PTK2B: variants seen among roughly 807,000 people sequenced by gnomAD.
PTK2B encodes the protein protein-tyrosine kinase 2-beta.
A neutral mutation model predicts 142.9 loss-of-function variants in PTK2B; 71 were observed. That is an observed-to-expected ratio of 0.50 (90% confidence interval 0.41 to 0.61). The LOEUF is 0.61. PTK2B is among the 20% of genes least tolerant of loss of function. The probability of loss-of-function intolerance (pLI) is 0.00; values close to 1 mark genes in which losing one functional copy is unlikely to be tolerated. For missense variants in PTK2B, 1,105 were observed against 1,320.4 expected (o/e 0.84, Z 2.53); for synonymous variants, 519 against 503.4 (o/e 1.03, Z -0.42).
At position 27,446,224 on chromosome 8, in the gene PTK2B, T is replaced by A. The variant is rs142485460; in HGVS notation, c.2340+305T>A. On this transcript the variant is annotated intron_variant, in intron 24 of 30. Coordinates refer to ENST00000346049, the MANE Select transcript of PTK2B (RefSeq NM_173176.3). ...CTCCTGAGCCCCAGGGGTAGGGGGA[T>A]CTGTGGCAGCTTGGAGGCTCCTAGG... 1.2e-4 allele frequency among the ~76,000 whole-genome samples: 19 copies of A among 152,284 alleles called. No homozygotes were observed. The East Asian group carries it at 3.5e-3, about 28-fold the overall frequency.
Position 27,397,563 on chromosome 8 carries a change from A to G in PTK2B, c.-22A>G, listed in dbSNP as rs1128433. 0.42 allele frequency: 674,968 copies of G among 1,607,746 alleles called. 145,012 individuals carry two copies. Among genetic ancestry groups the G allele is most frequent in the Middle Eastern group, 0.5 (2,492 of 4,948 alleles). ...GTCTCTGCAGGACTGCAATGTGCCGATCTTAGCTGCTGCCTGAGAGGATGT... is the reference window on the plus strand; with the variant it reads ...GTCTCTGCAGGACTGCAATGTGCCGGTCTTAGCTGCTGCCTGAGAGGATGT... On this transcript the variant is annotated 5_prime_UTR_variant, in exon 2 of 31. Coordinates refer to ENST00000346049, the MANE Select transcript of PTK2B (RefSeq NM_173176.3).
intron 3 of PTK2B, among the ~76,000 whole-genome samples, chr8:27,314,619 C>G (rs1380944343): frequency 6.6e-6 from 1 of 152,234 alleles, no homozygotes; most frequent in African/African-American, 2.4e-5. Flanking sequence ...CCCAGGTAAC[C>G]AATGGAGTCC....
intron 1 of PTK2B, among the ~76,000 whole-genome samples, chr8:27,385,549 G>T (rs919938499): frequency 6.6e-6 from 1 of 152,124 alleles, no homozygotes; most frequent in Non-Finnish European, 1.5e-5. Flanking sequence ...TAGCTTGGTG[G>T]TAAGAAGCTC....
rs773527019 is a variant in PTK2B, at chr8:27,437,470, A to T, written c.1501A>T (p.Ile501Phe). 13 of 1,612,392 alleles carry T rather than the reference A, an allele frequency of 8.1e-6. No homozygotes were observed. The Admixed American group carries it at 1.7e-4, about 21-fold the overall frequency. The change falls in exon 17 of 31, where the codon ATC (isoleucine) becomes TTC (phenylalanine). Residue 501 changes from isoleucine (I) to phenylalanine (F), a missense_variant. Transcript: ENST00000346049. ...CATTGAAGAGGAGCCCACCTGGATCATCATGGAATTGTATCCCTATGGGGA... is the reference window on the plus strand; with the variant it reads ...CATTGAAGAGGAGCCCACCTGGATCTTCATGGAATTGTATCCCTATGGGGA... ...GIIEEEPTWI[I>F]MELYPYGELG...
intron 25 of PTK2B, 69 bp from the exon 26 acceptor site, chr8:27,450,974 G>A (rs1811768726): frequency 6.2e-7 from 1 of 1,611,158 alleles, no homozygotes; most frequent in Non-Finnish European, 8.5e-7. Flanking sequence ...TGGGGCAAGG[G>A]TCCCCTGCAT....
intron 2 of PTK2B, among the ~76,000 whole-genome samples, chr8:27,415,299 G>T (rs1480754364): frequency 2.0e-5 from 3 of 152,160 alleles, no homozygotes; most frequent in Non-Finnish European, 4.4e-5. Flanking sequence ...TGGCACCAGG[G>T]CTTGTACTCC....
At chr8:27,334,991 TA>T (rs1803974663) in intron 1 of PTK2B, among the ~76,000 whole-genome samples, 1 of 152,202 alleles carries the variant, frequency 6.6e-6, no homozygotes, top group South Asian at 2.1e-4. Flanking sequence ...TACTGTTGAG[TA>T]CAACTAGGCC....
intron 1 of PTK2B, among the ~76,000 whole-genome samples, chr8:27,371,634 G>A (rs1366064405): frequency 4.0e-5 from 6 of 151,794 alleles, no homozygotes; most frequent in African/African-American, 9.7e-5. Flanking sequence ...TGCAACCTCC[G>A]CCCTCTGAGT....
At chr8:27,311,307 C>T (rs1399151986), upstream of PTK2B, 2 of 1,435,016 alleles carry the variant, frequency 1.4e-6, no homozygotes, top group Non-Finnish European at 1.8e-6. Flanking sequence ...TGCCAACGCC[C>T]GCGACCCGAG....
In PTK2B at chr8:27,380,172, C is replaced by T. The variant is rs534405114; in HGVS notation, c.-37-17376C>T. Among the ~76,000 whole-genome samples the T allele has an allele frequency of 6.6e-5, 10 of 152,266 alleles. 1 individual carries two copies. In the South Asian group the frequency reaches 1.9e-3, roughly 28 times the overall value. On this transcript the variant is annotated intron_variant, in intron 1 of 30. Coordinates refer to ENST00000346049, the MANE Select transcript of PTK2B (RefSeq NM_173176.3). ...CACATCATGATCCACAGGAGACTCT[C>T]GGGGTCACGTCTTTCTCTGCCCAGC...
At chr8:27,317,945 A>G (rs1295375807) in intron 3 of PTK2B, among the ~76,000 whole-genome samples, 1 of 152,248 alleles carries the variant, frequency 6.6e-6, no homozygotes, top group African/African-American at 2.4e-5. Context: ...GAAGCACTCA[A>G]TTATTTTATT....
At chr8:27,311,433 T>C, upstream of PTK2B, 1 of 672,344 alleles carries the variant, frequency 1.5e-6, no homozygotes, top group Non-Finnish European at 2.4e-6. Flanking sequence ...CCCCACCCAC[T>C]TCCGGTGTGC....
At chr8:27,377,325 G>T (rs1488633047) in intron 1 of PTK2B, among the ~76,000 whole-genome samples, 1 of 152,138 alleles carries the variant, frequency 6.6e-6, no homozygotes, top group African/African-American at 2.4e-5. Context: ...GTACATGATG[G>T]ATATTATTTT....
chr8:27,421,125 TTTAC>T (rs772098226), intron 4 of PTK2B, among the ~76,000 whole-genome samples: 2 of 152,146 alleles, frequency 1.3e-5, no homozygotes, highest in African/African-American at 2.4e-5. Context: ...GGGGACCTCA[TTTAC>T]TTGCATGAAG....
rs571451324 is a variant in PTK2B at position 27,445,162 on chromosome 8, G to A, written c.2215-632G>A. Among the ~76,000 whole-genome samples the A allele has an allele frequency of 1.6e-3, 237 of 152,210 alleles. 1 individual carries two copies. Among genetic ancestry groups the A allele is most frequent in the African/African-American group, 5.5e-3 (228 of 41,518 alleles). ...AGATGGGAGGATTCATTGAGCTCAG[G>A]AGTTTGAGACCAGCCTGGGCAATAT... On this transcript the variant is annotated intron_variant, in intron 23 of 30. Coordinates refer to ENST00000346049, the MANE Select transcript of PTK2B (RefSeq NM_173176.3).
chr8:27,334,624 C>T (rs529641448), intron 1 of PTK2B, among the ~76,000 whole-genome samples: 5 of 152,242 alleles, frequency 3.3e-5, no homozygotes, highest in Admixed American at 6.5e-5. Context: ...TTCCTTATAC[C>T]GTCAAATTCC....
At chr8:27,398,053 A>G (rs1025140474) in intron 2 of PTK2B, among the ~76,000 whole-genome samples, 1 of 152,254 alleles carries the variant, frequency 6.6e-6, no homozygotes, top group Non-Finnish European at 1.5e-5. Flanking sequence ...GATTCAATTC[A>G]TTTCAACTTA....
chr8:27,449,718 G>C lies in PTK2B; in HGVS notation c.2341-1031G>C, dbSNP rs114068384. Among the ~76,000 whole-genome samples the C allele has an allele frequency of 2.2e-3, 341 of 152,348 alleles. 1 individual carries two copies. The highest frequency in any genetic ancestry group is 7.6e-3 in the African/African-American group (315 of 41,572). ...TGTGCAGCACAACAAGAGCAAAATA[G>C]TTTAGAGACACTGAGCAGATATTTA... is the stretch of plus-strand genomic sequence containing the variant. On this transcript the variant is annotated intron_variant, in intron 24 of 30. Coordinates refer to ENST00000346049, the MANE Select transcript of PTK2B (RefSeq NM_173176.3).
intron 1 of PTK2B, among the ~76,000 whole-genome samples, chr8:27,359,537 A>G (rs961952333): frequency 5.3e-5 from 8 of 152,174 alleles, no homozygotes; most frequent in Non-Finnish European, 1.2e-4. Context: ...ATGGATCGTC[A>G]CTGTGAATTG....
Sources: allele counts gnomAD v4.1 joint callset (sites outside exome capture counted in the v4.1 genomes callset), GRCh38; gene constraint gnomAD v4.1.1; transcripts MANE v1.5; gene names NCBI Gene and HGNC (gene_info 2026-07-23, HGNC 2026-07-21).